The following BCL7B variants were observed in gnomAD, a reference collection of about 807,000 sequenced individuals.
BCL7B encodes BAF chromatin remodeling complex subunit BCL7B, also known as B-cell CLL/lymphoma 7 protein family member B.
In BCL7B, 11 loss-of-function variants were observed where a neutral mutation model predicts 26.5. That is an observed-to-expected ratio of 0.42 (90% confidence interval 0.26 to 0.69). The LOEUF (loss-of-function observed/expected upper bound fraction) is 0.69. BCL7B is among the 30% of genes least tolerant of loss of function. The pLI, the probability that BCL7B is intolerant of heterozygous loss-of-function variation, is 0.28. For missense variants in BCL7B, 215 were observed against 264.4 expected, an observed-to-expected ratio of 0.81 and a Z score of 1.30; for synonymous variants, 111 against 107.9, an observed-to-expected ratio of 1.03 and a Z score of -0.18.
intron 2 of BCL7B, among the ~76,000 whole-genome samples, chr7:73,545,066 C>T (rs1791904767): frequency 6.6e-6 from 1 of 151,544 alleles, no homozygotes; most frequent in South Asian, 2.1e-4. Flanking sequence ...AAAAAAAAAG[C>T]CCAGAGTAAA....
At chr7:73,555,859 C>T (rs939588825) in intron 1 of BCL7B, among the ~76,000 whole-genome samples, 8 of 152,144 alleles carry the variant, frequency 5.3e-5, no homozygotes, top group Non-Finnish European at 1.2e-4. Context: ...GATCCTCCCA[C>T]CACAGCCTTC....
intron 2 of BCL7B, among the ~76,000 whole-genome samples, chr7:73,546,319 G>A (rs1460615282): frequency 6.6e-6 from 1 of 152,052 alleles, no homozygotes; most frequent in Non-Finnish European, 1.5e-5. Context: ...AGAAGGAGCA[G>A]AATAACTGAA....
chr7:73,549,394 T>TA (rs1204576057), intron 2 of BCL7B, among the ~76,000 whole-genome samples: 10 of 152,088 alleles, frequency 6.6e-5, no homozygotes, highest in African/African-American at 2.4e-4. Context: ...CTCAAAATGT[T>TA]AGAGGCTGGT....
Position 73,537,349 on chromosome 7 carries a change from C to T in BCL7B, c.558G>A (p.Lys186=), listed in dbSNP as rs781889639. 6.2e-7 allele frequency: 1 copy of T among 1,614,196 alleles called. No individual in the cohort carries two copies. Among genetic ancestry groups the T allele is most frequent in the Non-Finnish European group, 8.5e-7 (1 of 1,180,028 alleles). Residue 186 remains lysine (K), a synonymous_variant, in exon 6 of 6, where the codon AAG becomes AAA. Transcript: ENST00000223368. ...EEEDSGAPPL[K]RFCVDQPTVP... ...CTGTGGGTTGGTCCACACAGAAGCG[C>T]TTCAGGGGCGGGGCACCTGAGTCTT...
chr7:73,540,292 T>C, intron 3 of BCL7B: 2 of 457,576 alleles, frequency 4.4e-6, no homozygotes, highest in South Asian at 6.1e-5. Flanking sequence ...CTCTTCTTTA[T>C]TATCCACTGA....
At chr7:73,545,898 G>A (rs113559399) in intron 2 of BCL7B, among the ~76,000 whole-genome samples, 6,489 of 152,072 alleles carry the variant, frequency 0.043, 185 homozygotes, top group Non-Finnish European at 0.066. Flanking sequence ...GTGGGAGGCC[G>A]AGGTGGGCCG....
chr7:73,543,456 G>A (rs782110517), intron 3 of BCL7B, 92 bp downstream of exon 3: 119 of 1,198,696 alleles, frequency 9.9e-5, no homozygotes, highest in Non-Finnish European at 1.4e-4. Flanking sequence ...GAGGTTACAG[G>A]TGTGAGTCAC....
At chr7:73,551,557 G>C (rs899174174) in intron 2 of BCL7B, among the ~76,000 whole-genome samples, 1 of 152,004 alleles carries the variant, frequency 6.6e-6, no homozygotes, top group Admixed American at 6.6e-5. Flanking sequence ...GCCCACCTTG[G>C]CCTCCCAAAG....
intron 1 of BCL7B, among the ~76,000 whole-genome samples, chr7:73,553,132 T>G (rs914562817): frequency 6.7e-6 from 1 of 149,982 alleles, no homozygotes; most frequent in South Asian, 2.1e-4. Flanking sequence ...GGGGTGGGGG[T>G]GGGGGGTCTC....
chr7:73,546,563 G>A (rs1583993855), intron 2 of BCL7B, among the ~76,000 whole-genome samples: 2 of 151,966 alleles, frequency 1.3e-5, no homozygotes, highest in East Asian at 3.9e-4. Context: ...AGCTACTCAG[G>A]AGGCTGAGGC....
At chr7:73,555,646 C>A (rs1238128221) in intron 1 of BCL7B, among the ~76,000 whole-genome samples, 1 of 152,050 alleles carries the variant, frequency 6.6e-6, no homozygotes, top group Non-Finnish European at 1.5e-5. Flanking sequence ...TGGGAAAGAG[C>A]CAGCCAAGTG....
At chr7:73,554,382 C>T (rs1204623156) in intron 1 of BCL7B, among the ~76,000 whole-genome samples, 5 of 151,996 alleles carry the variant, frequency 3.3e-5, no homozygotes, top group Non-Finnish European at 7.4e-5. Flanking sequence ...GGGTCAAATG[C>T]AGGGAACTGC....
chr7:73,539,842 G>A (rs1791687399), intron 4 of BCL7B, 40 bp downstream of exon 4: 2 of 1,599,794 alleles, frequency 1.3e-6, no homozygotes, highest in Admixed American at 3.4e-5. Flanking sequence ...AGAAAGCAAG[G>A]CCCTTCTAGG....
chr7:73,551,828 G>T (rs1039291223), intron 2 of BCL7B, among the ~76,000 whole-genome samples: 4 of 151,852 alleles, frequency 2.6e-5, no homozygotes, highest in Non-Finnish European at 5.9e-5. Flanking sequence ...GGGTGCAGTG[G>T]CTCACGCCTG....
intron 1 of BCL7B, 191 bp downstream of exon 1, chr7:73,557,296 G>C: frequency 8.7e-7 from 1 of 1,155,822 alleles, no homozygotes. Context: ...CGAGCCGGGA[G>C]GACCGCTGAT....
chr7:73,540,787 G>A (rs1227540014), intron 3 of BCL7B, among the ~76,000 whole-genome samples: 42 of 119,488 alleles, frequency 3.5e-4, no homozygotes, highest in Middle Eastern at 8.1e-3. Flanking sequence ...CCGAGATCGC[G>A]CCATTGCACT....
At chr7:73,556,693 C>G (rs1056797829) in intron 1 of BCL7B, among the ~76,000 whole-genome samples, 2 of 152,194 alleles carry the variant, frequency 1.3e-5, no homozygotes, top group Non-Finnish European at 2.9e-5. Flanking sequence ...ACGATCATAG[C>G]TCACTGCAGC....
intron 2 of BCL7B, 91 bp from the exon 3 acceptor site, chr7:73,543,735 T>G: frequency 9.6e-7 from 1 of 1,041,806 alleles, no homozygotes; most frequent in East Asian, 2.5e-5. Context: ...CACAGAGGTC[T>G]GGATTAGGAC....
chr7:73,550,720 C>T (rs1371594437), intron 2 of BCL7B, among the ~76,000 whole-genome samples: 4 of 150,176 alleles, frequency 2.7e-5, no homozygotes, highest in African/African-American at 9.8e-5. Context: ...TGCAGTGGTG[C>T]GATCTCGGCT....
Sources: gnomAD v4.1 joint callset for allele counts (sites outside exome capture counted in the v4.1 genomes callset) on GRCh38, gnomAD v4.1.1 for gene constraint, MANE v1.5 for transcripts, NCBI Gene and HGNC (gene_info 2026-07-23, HGNC 2026-07-21) for gene names.